Variants in STARD13 observed in about 807,000 individuals in gnomAD.
STARD13 encodes stAR-related lipid transfer protein 13.
STARD13 carries 62 observed loss-of-function variants against 106.4 expected under a neutral mutation model. The observed-to-expected ratio is 0.58, with a 90% CI of 0.48 to 0.72. The LOEUF (loss-of-function observed/expected upper bound fraction) is 0.72, where lower values mean the gene tolerates loss of function less well. STARD13 is among the 30% of genes least tolerant of loss of function. The pLI is 0.00. For missense variants in STARD13, 1,387 were observed against 1,424.0 expected (o/e 0.97, Z 0.42); for synonymous variants, 565 against 553.0 (o/e 1.02, Z -0.31).
chr13:33,323,803 C>G (rs894276491), intron 1 of STARD13, among the ~76,000 whole-genome samples: 11 of 152,134 alleles, frequency 7.2e-5, no homozygotes, highest in African/African-American at 2.7e-4. Flanking sequence ...AGGTAAGAAA[C>G]GCCAACTTGC....
intron 1 of STARD13, among the ~76,000 whole-genome samples, chr13:33,213,124 A>G (rs115004109): frequency 0.025 from 3,817 of 152,350 alleles, 152 homozygotes; most frequent in African/African-American, 0.083. Context: ...GAACTGTAAC[A>G]GTAATGCCAG....
chr13:33,356,185 G>A, the STARD13 span, among the ~76,000 whole-genome samples: 2 of 152,198 alleles, frequency 1.3e-5, no homozygotes, highest in East Asian at 1.9e-4. Flanking sequence ...GATTGAAGAC[G>A]TTTCCAGTGA....
At chr13:33,631,949 T>G in the STARD13 span, among the ~76,000 whole-genome samples, 1 of 152,272 alleles carries the variant, frequency 6.6e-6, no homozygotes, top group East Asian at 1.9e-4. Context: ...AAATCACCCA[T>G]CATAAAAATT....
chr13:33,409,474 C>T, the STARD13 span, among the ~76,000 whole-genome samples: 2 of 152,300 alleles, frequency 1.3e-5, no homozygotes, highest in African/African-American at 2.4e-5. Context: ...TAAAAGGGAC[C>T]TTAAGTTACT....
the STARD13 span, among the ~76,000 whole-genome samples, chr13:33,358,629 G>T: frequency 6.6e-6 from 1 of 151,568 alleles, no homozygotes; most frequent in Admixed American, 6.6e-5. Flanking sequence ...CAGGGACTGT[G>T]AATACACCAA....
At chr13:33,496,970 A>G in the STARD13 span, among the ~76,000 whole-genome samples, 1 of 152,180 alleles carries the variant, frequency 6.6e-6, no homozygotes, top group African/African-American at 2.4e-5. Flanking sequence ...CCTCAAGTAT[A>G]TAACAAACAG....
intron 1 of STARD13, among the ~76,000 whole-genome samples, chr13:33,209,443 T>TTC (rs200338080): frequency 8.7e-5 from 12 of 138,034 alleles, no homozygotes; most frequent in South Asian, 2.4e-4. Flanking sequence ...TGTCTGAATC[T>TTC]TCTCTCTCTC....
chr13:33,626,810 C>G, the STARD13 span, among the ~76,000 whole-genome samples: 1 of 152,208 alleles, frequency 6.6e-6, no homozygotes, highest in Non-Finnish European at 1.5e-5. Flanking sequence ...AATAACAAAT[C>G]TGGAATGTGG....
chr13:33,166,513 G>A (rs1883331511), intron 2 of STARD13, among the ~76,000 whole-genome samples: 1 of 152,132 alleles, frequency 6.6e-6, no homozygotes, highest in Non-Finnish European at 1.5e-5. Context: ...CCCCTGTCCT[G>A]CCTGCACCTT....
the STARD13 span, among the ~76,000 whole-genome samples, chr13:33,419,101 A>T: frequency 1.1e-4 from 17 of 152,200 alleles, no homozygotes; most frequent in Admixed American, 1.3e-4. Flanking sequence ...GATCAAAGCT[A>T]GATGGAGAAT....
chr13:33,498,108 A>T, the STARD13 span, among the ~76,000 whole-genome samples: 546 of 152,334 alleles, frequency 3.6e-3, 2 homozygotes, highest in African/African-American at 0.013. Context: ...TGATACTTCC[A>T]TGTGTCTAAA....
intron 1 of STARD13, among the ~76,000 whole-genome samples, chr13:33,181,271 T>C (rs2433598): frequency 0.72 from 102,875 of 142,098 alleles, 35,215 homozygotes; most frequent in South Asian, 0.78. Flanking sequence ...CACACATACA[T>C]ACACACACAC....
chr13:33,628,176 CA>C, the STARD13 span, among the ~76,000 whole-genome samples: 9 of 151,632 alleles, frequency 5.9e-5, 1 homozygote, highest in African/African-American at 2.2e-4. Context: ...CACACACACA[CA>C]CACACACACA....
intron 3 of STARD13, among the ~76,000 whole-genome samples, chr13:33,152,185 G>A (rs1881372110): frequency 6.6e-6 from 1 of 152,226 alleles, no homozygotes; most frequent in African/African-American, 2.4e-5. Flanking sequence ...CAGTGGTTAA[G>A]GCATGGGCCA....
intron 1 of STARD13, among the ~76,000 whole-genome samples, chr13:33,241,518 A>G (rs1889493659): frequency 6.6e-6 from 1 of 152,058 alleles, no homozygotes; most frequent in Admixed American, 6.5e-5. Context: ...GGAAAATAAA[A>G]TTTAATTAAA....
At chr13:33,110,588 G>T in intron 11 of STARD13, 98 bp downstream of exon 11, 1 of 1,007,180 alleles carries the variant, frequency 9.9e-7, no homozygotes, top group Non-Finnish European at 1.6e-6. Flanking sequence ...TGTGTGCCAA[G>T]CCCTGTGGAC....
chr13:33,437,421 C>T, the STARD13 span, among the ~76,000 whole-genome samples: 2 of 152,268 alleles, frequency 1.3e-5, no homozygotes, highest in East Asian at 1.9e-4. Context: ...TAAACCCCTT[C>T]CTTCTTTAAC....
At chr13:33,631,063 T>C in the STARD13 span, among the ~76,000 whole-genome samples, 3 of 152,212 alleles carry the variant, frequency 2.0e-5, no homozygotes, top group African/African-American at 7.2e-5. Context: ...CAGCCCAGTG[T>C]GCATTATATA....
At chr13:33,460,210 G>A in the STARD13 span, among the ~76,000 whole-genome samples, 50 of 152,070 alleles carry the variant, frequency 3.3e-4, no homozygotes, top group Admixed American at 1.0e-3. Flanking sequence ...AGATTGGGCC[G>A]GGCACGATGG....
Sources: allele counts gnomAD v4.1 joint callset (sites outside exome capture counted in the v4.1 genomes callset), GRCh38; gene constraint gnomAD v4.1.1; transcripts MANE v1.5; gene names NCBI Gene and HGNC (gene_info 2026-07-23, HGNC 2026-07-21).